Variants in STAB1 observed in about 807,000 individuals in gnomAD.
STAB1 encodes the protein stabilin 1.
A neutral mutation model predicts 332.4 loss-of-function variants in STAB1; 250 were observed. The ratio of observed to expected loss-of-function variants is 0.75; its 90% CI spans 0.68 to 0.84. The LOEUF is 0.84. STAB1 is among the 40% of genes least tolerant of loss of function. The probability of loss-of-function intolerance (pLI) is 0.00; values close to 1 mark genes in which losing one functional copy is unlikely to be tolerated. For missense variants in STAB1, 3,249 were observed against 3,489.7 expected, an observed-to-expected ratio of 0.93 and a Z score of 1.74; for synonymous variants, 1,475 against 1,390.4, an observed-to-expected ratio of 1.06 and a Z score of -1.35.
rs762627573 is a variant in STAB1 at position 52,502,212 on chromosome 3, GC to G, written c.473del (p.Pro158LeufsTer92). On this transcript the variant is annotated frameshift_variant, in exon 5 of 69. Coordinates refer to ENST00000321725, the MANE Select transcript of STAB1 (RefSeq NM_015136.3). LOFTEE classifies it high-confidence loss of function. Reference protein sequence around the residue: ...QECQDPNRFGPDCQSVCSCVH... With the variant: ...QECQDPNRFGXDCQSVCSCVH... ...AGTGCCAAGACCCCAACCGGTTCGG[GC>G]CTGACTGCCAATCGGGTGAGTGCTT... 11 of 1,612,444 alleles carry G rather than the reference GC, an allele frequency of 6.8e-6. No homozygotes were observed. Among genetic ancestry groups the G allele is most frequent in the Non-Finnish European group, 8.5e-6 (10 of 1,179,990 alleles).
In STAB1 at chr3:52,523,925, C is replaced by T. The variant is rs1363772644; in HGVS notation, c.7450C>T (p.Leu2484Phe). Residue 2484 changes from leucine to phenylalanine, a missense_variant, in exon 67 of 69, where the codon CTT (leucine) becomes TTT (phenylalanine). Physicochemically the swap from Leu to Phe is conservative, Grantham distance 22. Coordinates refer to ENST00000321725, the MANE Select transcript of STAB1 (RefSeq NM_015136.3). ...TGTGGCGGCAGGCGTGGGGGCTGTG[C>T]TTGCCGCTGGAGCACTGCTTGGCTT... ...PPVAAGVGAV[L>F]AAGALLGLVA... The T allele has an allele frequency of 6.2e-7, 1 of 1,609,754 alleles. No individual in the cohort carries two copies. Among genetic ancestry groups the T allele is most frequent in the Non-Finnish European group, 8.5e-7 (1 of 1,179,866 alleles).
At chr3:52,517,167 C>T in intron 42 of STAB1, 58 bp downstream of exon 42, 1 of 1,511,150 alleles carries the variant, frequency 6.6e-7, no homozygotes. Flanking sequence ...CTTCAGTGAT[C>T]TGAGTCAGAT....
At position 52,524,351 on chromosome 3, in the gene STAB1, A is replaced by C. The variant is rs371462058; in HGVS notation, c.7708A>C (p.Lys2570Gln). The change falls in exon 69 of 69, where the codon AAG (lysine) becomes CAG (glutamine). Residue 2570 changes from lysine to glutamine, a missense_variant. Transcript: ENST00000321725. ...TGACACCCAGAGGATCCTCACAGTC[A>C]AGTGACGAGGCTGGGGCTGAAAGCA... ...FPDTQRILTV[K>Q] is the part of the protein sequence containing the mutation. 1.2e-6 allele frequency: 2 copies of C among 1,613,804 alleles called. No homozygotes were observed. The highest frequency in any genetic ancestry group is 1.7e-6 in the Non-Finnish European group (2 of 1,180,006).
intron 21 of STAB1, 121 bp downstream of exon 21, chr3:52,508,480 C>A (rs1483954208): frequency 1.1e-6 from 1 of 890,122 alleles, no homozygotes; most frequent in Non-Finnish European, 1.8e-6. Context: ...ATTCTCATAT[C>A]TATGCAGTGG....
rs761621943 is a variant in STAB1 at position 52,523,475 on chromosome 3, C to T, written c.7189C>T (p.Leu2397=). The T allele has an allele frequency of 3.8e-5, 61 of 1,611,836 alleles. No homozygotes were observed. The highest frequency in any genetic ancestry group is 5.2e-5 in the Non-Finnish European group (61 of 1,179,234). Residue 2397 remains leucine, a synonymous_variant, in exon 65 of 69, where the codon CTA becomes TTA. Coordinates refer to ENST00000321725, the MANE Select transcript of STAB1 (RefSeq NM_015136.3). ...LELHASNATL[L]SANASQGKLL... ...GCTGCATGCCTCCAACGCCACCCTC[C>T]TAAGTGCCAACGCCAGCCAGGGGAA...
In STAB1 at chr3:52,504,049, G is replaced by A; in HGVS notation, c.1044G>A (p.Glu348=). Residue 348 remains glutamate, a synonymous_variant, in exon 10 of 69, where the codon GAG becomes GAA. Coordinates refer to ENST00000321725, the MANE Select transcript of STAB1 (RefSeq NM_015136.3). ...CCAGCTGTGTGTGCAGGGAAAGCGA[G>A]GTGGGGGATGGGCGTGCCTGCTACG... is the stretch of plus-strand genomic sequence containing the variant. The part of the protein sequence containing the change: ...GKTSCVCRES[E]VGDGRACYGH... 1 of 1,594,536 alleles carries A rather than the reference G, an allele frequency of 6.3e-7. No individual in the cohort carries two copies. The highest frequency in any genetic ancestry group is 8.5e-7 in the Non-Finnish European group (1 of 1,170,692).
At position 52,501,553 on chromosome 3, in the gene STAB1, G is replaced by A. The variant is rs1394857861; in HGVS notation, c.216-85G>A. The A allele has an allele frequency of 3.1e-6, 4 of 1,289,902 alleles. No homozygotes were observed. The East Asian group carries it at 1.0e-4, about 33-fold the overall frequency. The allele number at this position is 1,289,902 out of a possible 1,614,324, so 79.9% of individuals were successfully genotyped here. A position where few individuals can be genotyped will look rare whatever the true frequency, so the allele number is the denominator to read the frequency against. ...CCAGGCAGAGCAGGGAGGTGGGTGG[G>A]AGCCCCGGAAGCCAATGTGGGGAGG... On this transcript the variant is annotated intron_variant, in intron 2 of 68. Coordinates refer to ENST00000321725, the MANE Select transcript of STAB1 (RefSeq NM_015136.3).
At chr3:52,515,382 C>T (rs771633516) in intron 36 of STAB1, 41 bp from the exon 37 acceptor site, 98 of 1,600,764 alleles carry the variant, frequency 6.1e-5, no homozygotes, top group Non-Finnish European at 8.0e-5. Flanking sequence ...TGCCCCTGCC[C>T]AAGCCACTGG....
At chr3:52,512,495 A>G (rs944968550) in intron 27 of STAB1, 59 bp downstream of exon 27, 2 of 1,611,184 alleles carry the variant, frequency 1.2e-6, no homozygotes, top group East Asian at 2.2e-5. Context: ...AGCCCTCTCC[A>G]GCACCTCAGG....
chr3:52,518,970 TC>T (rs2078977999), intron 48 of STAB1, 101 bp downstream of exon 48: 1 of 1,266,448 alleles, frequency 7.9e-7, no homozygotes, highest in African/African-American at 1.9e-5. Context: ...GAACCCCACC[TC>T]CCCTAGCCAG....
intron 37 of STAB1, among the ~76,000 whole-genome samples, chr3:52,515,831 C>A (rs551567045): frequency 3.4e-4 from 52 of 152,268 alleles, no homozygotes; most frequent in African/African-American, 1.3e-3. Context: ...TGCAGCCCTT[C>A]CTTGCTTGAG....
intron 48 of STAB1, 27 bp downstream of exon 48, chr3:52,518,896 C>T (rs1455424416): frequency 1.3e-6 from 2 of 1,496,870 alleles, no homozygotes; most frequent in Non-Finnish European, 1.8e-6. Context: ...GCCTGCCCCG[C>T]TCCATCCCGC....
At chr3:52,514,021 G>T in intron 32 of STAB1, 40 bp downstream of exon 32, 2 of 1,592,170 alleles carry the variant, frequency 1.3e-6, no homozygotes, top group Non-Finnish European at 1.7e-6. Flanking sequence ...CTGCTCGGGG[G>T]ACACTGTGCC....
intron 43 of STAB1, 56 bp downstream of exon 43, chr3:52,517,449 C>A: frequency 6.4e-7 from 1 of 1,574,790 alleles, no homozygotes; most frequent in South Asian, 1.2e-5. Context: ...CAGGATGGGG[C>A]CTCCCTTCAG....
chr3:52,517,448 G>A (rs543562027), intron 43 of STAB1, 55 bp downstream of exon 43: 2 of 1,574,008 alleles, frequency 1.3e-6, no homozygotes, highest in Non-Finnish European at 1.7e-6. Context: ...ACAGGATGGG[G>A]CCTCCCTTCA....
rs41292372 is a variant in STAB1, at chr3:52,507,921, C to A, written c.2053-10C>A. The A allele has an allele frequency of 3.1e-6, 5 of 1,611,406 alleles. No individual in the cohort carries two copies. The East Asian group carries it at 1.1e-4, about 36-fold the overall frequency. On this transcript the variant is annotated splice_polypyrimidine_tract_variant and intron_variant, in intron 19 of 68. Coordinates refer to ENST00000321725, the MANE Select transcript of STAB1 (RefSeq NM_015136.3). ...ACACCCACTGACTGGCTTTGCATGG[C>A]CCACCCTAGGACATCTTCCCCAAGG...
rs528679300 is a variant in STAB1, at chr3:52,512,715, T to C, written c.3027+72T>C. On this transcript the variant is annotated intron_variant, in intron 28 of 68. Transcript: ENST00000321725. ...CCTGCCTGGATGGAGGGGTGCCATA[T>C]AACATCTCCAAGCGTGGGAGGTTGG... The C allele has an allele frequency of 2.2e-5, 35 of 1,611,826 alleles. 1 individual carries two copies. Among genetic ancestry groups the C allele is most frequent in the Non-Finnish European group, 4.2e-6 (5 of 1,179,008 alleles).
chr3:52,504,647 G>A, intron 11 of STAB1, 92 bp from the exon 12 acceptor site: 1 of 1,611,810 alleles, frequency 6.2e-7, no homozygotes, highest in Non-Finnish European at 8.5e-7. Flanking sequence ...ATCAGGGCCT[G>A]GGATGCATCC....
rs376841854 is a variant in STAB1 at position 52,519,367 on chromosome 3, C to A, written c.5138C>A (p.Ala1713Glu). Reference sequence around the variant, plus strand: ...GACCGTGTCCTGCTGCCCCCCGAGGCGCTGCACTGGGAGCCTGATGATGCT... The same window carrying A: ...GACCGTGTCCTGCTGCCCCCCGAGGAGCTGCACTGGGAGCCTGATGATGCT... ...FIDRVLLPPE[A>E]LHWEPDDAPI... The change falls in exon 49 of 69, where the codon GCG becomes GAG. Residue 1713 changes from alanine to glutamate, a missense_variant. By Grantham distance (107) the Ala-to-Glu change is moderately radical. Coordinates refer to ENST00000321725, the MANE Select transcript of STAB1 (RefSeq NM_015136.3). 4.7e-5 allele frequency: 76 copies of A among 1,613,116 alleles called. No individual in the cohort carries two copies. The East Asian group carries it at 6.9e-4, about 15-fold the overall frequency.
Sources: allele counts gnomAD v4.1 joint callset (sites outside exome capture counted in the v4.1 genomes callset), GRCh38; gene constraint gnomAD v4.1.1; transcripts MANE v1.5; gene names NCBI Gene and HGNC (gene_info 2026-07-23, HGNC 2026-07-21).